Variants in RAB38 observed in about 807,000 individuals in gnomAD.
The protein encoded by RAB38 is RAB38, member RAS oncogene family, also known as ras-related protein Rab-38.
A neutral mutation model predicts 18.4 loss-of-function variants in RAB38; 15 were observed. The ratio of observed to expected loss-of-function variants is 0.82; its 90% CI spans 0.55 to 1.26. RAB38 has a LOEUF of 1.26. Ranked by LOEUF, RAB38 falls within the 50% of genes most tolerant of loss-of-function variation. The pLI, the probability that RAB38 is intolerant of heterozygous loss-of-function variation, is 0.00. For missense variants in RAB38, 294 were observed against 267.4 expected, an observed-to-expected ratio of 1.10 and a Z score of -0.69; for synonymous variants, 101 against 104.4, an observed-to-expected ratio of 0.97 and a Z score of 0.20.
chr11:88,036,143 A>C, the RAB38 span, among the ~76,000 whole-genome samples: 1 of 152,192 alleles, frequency 6.6e-6, no homozygotes, highest in Admixed American at 6.5e-5. Context: ...ATGGGAGTCC[A>C]GTTAAGCTGG....
At chr11:88,110,642 C>T (rs908862408), downstream of RAB38, among the ~76,000 whole-genome samples, 3 of 151,784 alleles carry the variant, frequency 2.0e-5, no homozygotes, top group African/African-American at 7.3e-5. Flanking sequence ...TTTGTTGAAA[C>T]CCCACCTCTA....
the RAB38 span, among the ~76,000 whole-genome samples, chr11:87,972,281 A>T: frequency 6.6e-6 from 1 of 152,102 alleles, no homozygotes; most frequent in Admixed American, 6.6e-5. Flanking sequence ...TTATCTAAAC[A>T]ATTTGAACAC....
chr11:88,047,782 C>T, the RAB38 span, among the ~76,000 whole-genome samples: 1 of 152,280 alleles, frequency 6.6e-6, no homozygotes. Flanking sequence ...GCTAGTGTTC[C>T]AACTTATATC....
the RAB38 span, among the ~76,000 whole-genome samples, chr11:88,097,565 C>T: frequency 6.6e-6 from 1 of 151,920 alleles, no homozygotes; most frequent in East Asian, 2.0e-4. Context: ...ATGCGGTGCC[C>T]TCAGCTTTGT....
the RAB38 span, among the ~76,000 whole-genome samples, chr11:88,030,078 C>T: frequency 0.1 from 15,847 of 151,946 alleles, 1,599 homozygotes; most frequent in East Asian, 0.33. Context: ...AAGAATCTCA[C>T]TCAAAACCAC....
chr11:88,155,710 A>T (rs1211032675), intron 1 of RAB38, among the ~76,000 whole-genome samples: 4 of 152,196 alleles, frequency 2.6e-5, no homozygotes, highest in Admixed American at 6.5e-5. Context: ...CTCAGAAGTG[A>T]CAGATAAAGA....
the RAB38 span, among the ~76,000 whole-genome samples, chr11:88,008,988 A>G: frequency 6.6e-6 from 1 of 152,322 alleles, no homozygotes; most frequent in Non-Finnish European, 1.5e-5. Context: ...ACAGTTGCTG[A>G]GTAAACAAAC....
chr11:87,836,322 T>A, the RAB38 span, among the ~76,000 whole-genome samples: 13 of 152,204 alleles, frequency 8.5e-5, no homozygotes, highest in African/African-American at 2.7e-4. Flanking sequence ...CTGTCCTTTC[T>A]CTGGCATTCC....
the RAB38 span, among the ~76,000 whole-genome samples, chr11:88,024,265 T>C: frequency 2.0e-5 from 3 of 152,066 alleles, no homozygotes; most frequent in Non-Finnish European, 2.9e-5. Flanking sequence ...ATACAAATGG[T>C]AAACAGGGAT....
the RAB38 span, among the ~76,000 whole-genome samples, chr11:88,057,564 ATGT>A: frequency 5.6e-3 from 852 of 152,270 alleles, 6 homozygotes; most frequent in Non-Finnish European, 8.6e-3. Flanking sequence ...TGTTCAATAA[ATGT>A]TGTTTCCTTA....
Position 88,123,485 on chromosome 11 carries a change from G to A in RAB38, c.484-9345C>T, listed in dbSNP as rs1221334139. Among the ~76,000 whole-genome samples, 15 of 152,170 alleles carry A rather than the reference G, an allele frequency of 9.9e-5. 1 individual carries two copies. The highest frequency in any genetic ancestry group is 9.8e-4 in the Admixed American group (15 of 15,282). ...GAAAATTTACTTTACAGGTCCAACT[G>A]CCTGTCCTTATTTTGCTTTCCAGTT... On this transcript the variant is annotated intron_variant, in intron 2 of 2. Coordinates refer to ENST00000243662, the MANE Select transcript of RAB38 (RefSeq NM_022337.3).
At chr11:88,076,984 GAAAGAAAAGA>G in the RAB38 span, among the ~76,000 whole-genome samples, 369 of 63,718 alleles carry the variant, frequency 5.8e-3, 5 homozygotes, top group African/African-American at 0.021. Flanking sequence ...AAGAAAGAAA[GAAAGAAAAGA>G]AAAGAAAAGA....
the RAB38 span, among the ~76,000 whole-genome samples, chr11:88,094,884 A>T: frequency 6.6e-6 from 1 of 151,818 alleles, no homozygotes; most frequent in African/African-American, 2.4e-5. Flanking sequence ...CTTTTCATTT[A>T]TTCTTGAACC....
the RAB38 span, among the ~76,000 whole-genome samples, chr11:87,805,739 A>G: frequency 6.6e-6 from 1 of 152,214 alleles, no homozygotes; most frequent in East Asian, 1.9e-4. Context: ...ACACACACAT[A>G]CATATATACA....
At chr11:87,927,196 A>T in the RAB38 span, among the ~76,000 whole-genome samples, 1 of 152,028 alleles carries the variant, frequency 6.6e-6, no homozygotes, top group East Asian at 1.9e-4. Context: ...GTTTTCAATG[A>T]TCCATACCTG....
the RAB38 span, among the ~76,000 whole-genome samples, chr11:87,905,419 G>A: frequency 6.6e-6 from 1 of 151,698 alleles, no homozygotes; most frequent in South Asian, 2.1e-4. Flanking sequence ...GTCTACTCAT[G>A]TTTTATTTAA....
chr11:87,863,993 T>C, the RAB38 span, among the ~76,000 whole-genome samples: 1 of 151,690 alleles, frequency 6.6e-6, no homozygotes, highest in South Asian at 2.1e-4. Context: ...CAGATGAACC[T>C]AGTAGAGCTT....
At chr11:88,035,050 T>G in the RAB38 span, among the ~76,000 whole-genome samples, 1 of 152,220 alleles carries the variant, frequency 6.6e-6, no homozygotes, top group African/African-American at 2.4e-5. Context: ...CTCACTAGGT[T>G]TTAATTTTTA....
At chr11:88,082,227 T>C in the RAB38 span, among the ~76,000 whole-genome samples, 1 of 151,784 alleles carries the variant, frequency 6.6e-6, no homozygotes, top group African/African-American at 2.4e-5. Flanking sequence ...GACCAATCAA[T>C]GCTCAAGCTA....
Sources: allele counts gnomAD v4.1 joint callset (sites outside exome capture counted in the v4.1 genomes callset), GRCh38; gene constraint gnomAD v4.1.1; transcripts MANE v1.5; gene names NCBI Gene and HGNC (gene_info 2026-07-23, HGNC 2026-07-21).